The following CD163L1 variants were observed in gnomAD, a reference collection of about 807,000 sequenced individuals.
CD163L1 encodes the protein scavenger receptor cysteine-rich type 1 protein M160.
In CD163L1, 124 loss-of-function variants were observed where a neutral mutation model predicts 165.4. The ratio of observed to expected loss-of-function variants is 0.75; its 90% confidence interval spans 0.65 to 0.87. The LOEUF (loss-of-function observed/expected upper bound fraction) is 0.87. Among genes scored for constraint, CD163L1 ranks in the 40% least tolerant of loss-of-function variants. The pLI is 0.00. For synonymous variants in CD163L1, 585 were observed against 662.2 expected (o/e 0.88, Z 1.79); for missense variants, 1,525 against 1,799.9 (o/e 0.85, Z 2.76).
In CD163L1 at chr12:7,439,629, C is replaced by T. The variant is rs780484588; in HGVS notation, c.124+1525G>A. 7.0e-5 allele frequency: 112 copies of T among 1,610,932 alleles called. No homozygotes were observed. The African/African-American group carries it at 1.1e-3, about 15-fold the overall frequency. Reference sequence around the variant, plus strand: ...TATTTAAGGATAGTCTCTGAATATCCTTCCTGACTGCTTTGGCTTTGTTCT... The same window carrying T: ...TATTTAAGGATAGTCTCTGAATATCTTTCCTGACTGCTTTGGCTTTGTTCT... On this transcript the variant is annotated intron_variant, in intron 2 of 19. Coordinates refer to ENST00000313599, the MANE Select transcript of CD163L1 (RefSeq NM_174941.6).
At chr12:7,387,239 A>C (rs1288547195) in intron 8 of CD163L1, among the ~76,000 whole-genome samples, 9 of 152,234 alleles carry the variant, frequency 5.9e-5, no homozygotes, top group Non-Finnish European at 1.3e-4. Flanking sequence ...ACAAGAAAGA[A>C]TAAAATAAAA....
At chr12:7,421,081 ATATACG>A (rs1188696849) in intron 4 of CD163L1, among the ~76,000 whole-genome samples, 1 of 123,596 alleles carries the variant, frequency 8.1e-6, no homozygotes, top group African/African-American at 3.3e-5. Context: ...ATACGTATAT[ATATACG>A]TATATATATG....
rs1199608266 is a variant in CD163L1, at chr12:7,369,633, A to G, written c.3763T>C (p.Cys1255Arg). The part of the protein sequence containing the change: ...RIRVRGGDTE[C>R]SGRVEIWHAG... ...TGCCAGATCTCCACTCTCCCAGAGCACTCGGTGTCTCCTCCACGCACTCTT... is the reference window on the plus strand; with the variant it reads ...TGCCAGATCTCCACTCTCCCAGAGCGCTCGGTGTCTCCTCCACGCACTCTT... The change falls in exon 15 of 20, where the codon TGC (cysteine) becomes CGC (arginine). Residue 1255 changes from cysteine (C) to arginine (R), a missense_variant. Transcript: ENST00000313599. The surrounding 1 kb of genome is among the most constrained non-coding windows in gnomAD (Gnocchi z 4.9). The G allele has an allele frequency of 1.2e-6, 2 of 1,613,968 alleles. No individual in the cohort carries two copies. Among genetic ancestry groups the G allele is most frequent in the South Asian group, 1.1e-5 (1 of 91,064 alleles).
chr12:7,392,220 C>T (rs769581814), intron 8 of CD163L1, among the ~76,000 whole-genome samples: 7 of 152,290 alleles, frequency 4.6e-5, no homozygotes, highest in Admixed American at 2.6e-4. Context: ...TCACAACAAA[C>T]AGTCTCTCAG....
rs751616979 is a variant in CD163L1 at position 7,425,108 on chromosome 12, C to G, written c.766+7308G>C. On this transcript the variant is annotated intron_variant, in intron 4 of 19. Transcript: ENST00000313599. ...ACTACACTACAAGGTAGTAAACAAA[C>G]CAGCATGGTACTGGTGCCAAAACAG... 6.1e-4 allele frequency among the ~76,000 whole-genome samples: 93 copies of G among 151,822 alleles called. 1 individual carries two copies. Among genetic ancestry groups the G allele is most frequent in the Non-Finnish European group, 1.2e-3 (79 of 67,754 alleles).
intron 1 of CD163L1, among the ~76,000 whole-genome samples, chr12:7,442,760 T>A (rs1248684015): frequency 6.6e-6 from 1 of 152,208 alleles, no homozygotes; most frequent in African/African-American, 2.4e-5. Context: ...GGAGGCCATT[T>A]CATCTTCCTA....
At chr12:7,421,598 T>C (rs1166620351) in intron 4 of CD163L1, among the ~76,000 whole-genome samples, 1 of 11,494 alleles carries the variant, frequency 8.7e-5, no homozygotes, top group African/African-American at 1.7e-4. Flanking sequence ...CATATACATA[T>C]ATGTACACAT....
chr12:7,337,280 C>T, the CD163L1 span, among the ~76,000 whole-genome samples: 2 of 152,206 alleles, frequency 1.3e-5, no homozygotes, highest in Non-Finnish European at 2.9e-5. Context: ...ATGACTAAAA[C>T]ACCAAAAGCA....
At chr12:7,418,329 G>A (rs1948286373) in intron 4 of CD163L1, among the ~76,000 whole-genome samples, 1 of 151,960 alleles carries the variant, frequency 6.6e-6, no homozygotes, top group Non-Finnish European at 1.5e-5. Context: ...AAAATTCTTT[G>A]AACTGAATGA....
chr12:7,421,209 A>G (rs1202683563), intron 4 of CD163L1, among the ~76,000 whole-genome samples: 1 of 131,966 alleles, frequency 7.6e-6, no homozygotes. Flanking sequence ...ATATATGGGT[A>G]TATATATGTG....
At chr12:7,421,206 GGTATATATATGT>G (rs1948372896) in intron 4 of CD163L1, among the ~76,000 whole-genome samples, 1 of 121,104 alleles carries the variant, frequency 8.3e-6, no homozygotes, top group Non-Finnish European at 1.7e-5. Flanking sequence ...TATATATATG[GGTATATATATGT>G]GTATATATAT....
chr12:7,353,138 C>T (rs1422463447), downstream of CD163L1, among the ~76,000 whole-genome samples: 1 of 151,770 alleles, frequency 6.6e-6, no homozygotes, highest in African/African-American at 2.4e-5. Flanking sequence ...AAAAAGAAAT[C>T]AATAGGAATT....
At chr12:7,427,147 C>A (rs1416444334) in intron 4 of CD163L1, among the ~76,000 whole-genome samples, 1 of 151,618 alleles carries the variant, frequency 6.6e-6, no homozygotes, top group Non-Finnish European at 1.5e-5. Context: ...ATAATTCAAA[C>A]AGAAAATCAA....
intron 8 of CD163L1, among the ~76,000 whole-genome samples, chr12:7,387,744 T>C (rs1947550585): frequency 6.6e-6 from 1 of 152,182 alleles, no homozygotes; most frequent in Admixed American, 6.5e-5. Context: ...CTTTTCTTTA[T>C]AAATTACCCA....
chr12:7,335,720 C>T, the CD163L1 span, among the ~76,000 whole-genome samples: 2 of 152,144 alleles, frequency 1.3e-5, no homozygotes, highest in East Asian at 1.9e-4. Context: ...AGTGAACAGG[C>T]AACCTATAGA....
At chr12:7,419,620 C>T (rs1368797977) in intron 4 of CD163L1, among the ~76,000 whole-genome samples, 1 of 152,040 alleles carries the variant, frequency 6.6e-6, no homozygotes, top group African/African-American at 2.4e-5. Context: ...AGACCTCCAA[C>T]AAAAAGCTCC....
At chr12:7,428,288 T>G (rs754169083) in intron 4 of CD163L1, among the ~76,000 whole-genome samples, 1 of 152,104 alleles carries the variant, frequency 6.6e-6, no homozygotes, top group Admixed American at 6.6e-5. Context: ...AAAAAAAATT[T>G]TTTTAAGTCA....
chr12:7,433,664 T>C lies in CD163L1; in HGVS notation c.155A>G (p.Asn52Ser), dbSNP rs139597094. Residue 52 changes from asparagine to serine, a missense_variant, in exon 3 of 20, where the codon AAT becomes AGT. By Grantham distance (46) the Asn-to-Ser change is conservative (BLOSUM62 1). Transcript: ENST00000313599. ...TGTCCCAGAGCAGGGACCGTCTCCA[T>C]TGACCAGCCTCAACTCCAAATCTGT... ...NGTDLELRLV[N>S]GDGPCSGTVE... 5.2e-3 allele frequency: 8,466 copies of C among 1,613,454 alleles called. 98 individuals carry two copies. The highest frequency in any genetic ancestry group is 4.1e-3 in the Non-Finnish European group (4,801 of 1,179,622).
Position 7,355,038 on chromosome 12 carries a change from A to C in CD163L1, c.*117T>G, listed in dbSNP as rs1946745634. 1 of 152,190 alleles carries C rather than the reference A, an allele frequency of 6.6e-6. No individual in the cohort carries two copies. The highest frequency in any genetic ancestry group is 1.5e-5 in the Non-Finnish European group (1 of 68,020). The allele number at this position is 152,190 out of a possible 1,614,324, so 9.4% of individuals were successfully genotyped here. On this transcript the variant is annotated 3_prime_UTR_variant, in exon 20 of 20. Transcript: ENST00000313599. ...TAGCTGTTCTCCTATTGTTCAAGAA[A>C]TGTTATTTGGACAAGTTTTCCATAG...
Sources: allele counts gnomAD v4.1 joint callset (sites outside exome capture counted in the v4.1 genomes callset), GRCh38; gene constraint gnomAD v4.1.1; non-coding constraint Gnocchi (gnomAD v3.1); transcripts MANE v1.5; gene names NCBI Gene and HGNC (gene_info 2026-07-23, HGNC 2026-07-21).